DPP10: variants seen among roughly 807,000 people sequenced by gnomAD.
The protein encoded by DPP10 is inactive dipeptidyl peptidase 10.
Under a neutral mutation model 120.9 loss-of-function variants are expected in DPP10, and 33 were observed. The ratio of observed to expected loss-of-function variants is 0.27; its 90% CI spans 0.21 to 0.37. The LOEUF is 0.37. Ranked by LOEUF, DPP10 falls within the 10% of genes least tolerant of loss-of-function variation. The pLI is 1.00. For missense variants in DPP10, 816 were observed against 942.8 expected (o/e 0.87, Z 1.76); for synonymous variants, 337 against 326.1 (o/e 1.03, Z -0.36).
chr2:115,600,416 A>G (rs959832309), intron 5 of DPP10, among the ~76,000 whole-genome samples: 5 of 152,228 alleles, frequency 3.3e-5, no homozygotes, highest in African/African-American at 1.2e-4. Flanking sequence ...TCTAAAATCC[A>G]GTAAAACATA....
At chr2:115,752,274 AG>A (rs1678837624) in intron 10 of DPP10, among the ~76,000 whole-genome samples, 1 of 152,176 alleles carries the variant, frequency 6.6e-6, no homozygotes, top group South Asian at 2.1e-4. Context: ...TTTTTAGAGA[AG>A]TTTTTTTAAG....
chr2:115,138,698 G>A (rs1422865853), intron 1 of DPP10, among the ~76,000 whole-genome samples: 1 of 152,098 alleles, frequency 6.6e-6, no homozygotes, highest in Non-Finnish European at 1.5e-5. Context: ...TTCAGTAAAT[G>A]TACCAAGGTA....
intron 1 of DPP10, among the ~76,000 whole-genome samples, chr2:115,048,698 C>T (rs1286745978): frequency 6.6e-6 from 1 of 152,056 alleles, no homozygotes; most frequent in African/African-American, 2.4e-5. Flanking sequence ...TTTTACATAA[C>T]AGTGCACTTT....
intron 3 of DPP10, among the ~76,000 whole-genome samples, chr2:115,372,889 T>C (rs550632266): frequency 6.6e-6 from 1 of 152,220 alleles, no homozygotes; most frequent in East Asian, 1.9e-4. Context: ...CTTGCTTTTG[T>C]CACTGAAAAT....
chr2:114,866,272 A>G (rs552602934), intron 1 of DPP10, among the ~76,000 whole-genome samples: 31 of 152,162 alleles, frequency 2.0e-4, no homozygotes, highest in African/African-American at 6.7e-4. Context: ...ATAAGAAAAG[A>G]AAAGAAAAGA....
At chr2:115,713,464 T>G (rs1476685383) in intron 7 of DPP10, among the ~76,000 whole-genome samples, 1 of 152,144 alleles carries the variant, frequency 6.6e-6, no homozygotes, top group Non-Finnish European at 1.5e-5. Flanking sequence ...GCTTACAATC[T>G]GGGGATGACT....
intron 1 of DPP10, among the ~76,000 whole-genome samples, chr2:114,896,089 C>T (rs898136134): frequency 2.6e-5 from 4 of 152,106 alleles, no homozygotes; most frequent in Non-Finnish European, 4.4e-5. Flanking sequence ...TTCCATTGAT[C>T]TATATCTCTG....
At chr2:114,597,302 G>T (rs1303774803) in intron 1 of DPP10, among the ~76,000 whole-genome samples, 1 of 151,946 alleles carries the variant, frequency 6.6e-6, no homozygotes, top group Non-Finnish European at 1.5e-5. Context: ...AAAGTGACTG[G>T]GGACAGACAA....
At chr2:115,357,864 T>G (rs922512166) in intron 3 of DPP10, among the ~76,000 whole-genome samples, 2 of 152,188 alleles carry the variant, frequency 1.3e-5, no homozygotes, top group Non-Finnish European at 2.9e-5. Flanking sequence ...TGTGGAAGCT[T>G]CCAAGGCTAG....
chr2:115,223,793 A>G (rs1251091014), intron 1 of DPP10, among the ~76,000 whole-genome samples: 3 of 152,232 alleles, frequency 2.0e-5, no homozygotes, highest in Non-Finnish European at 2.9e-5. Context: ...GATTAATAGC[A>G]TGCACAAAGA....
intron 1 of DPP10, among the ~76,000 whole-genome samples, chr2:114,793,511 C>T (rs1344124524): frequency 1.3e-5 from 2 of 152,012 alleles, no homozygotes; most frequent in Admixed American, 1.3e-4. Context: ...AAAATGTTCA[C>T]CTAAAAAACA....
chr2:114,964,065 C>T (rs1698837049), intron 1 of DPP10, among the ~76,000 whole-genome samples: 1 of 152,116 alleles, frequency 6.6e-6, no homozygotes, highest in Non-Finnish European at 1.5e-5. Flanking sequence ...CTAAGTTACT[C>T]GATTTCCATT....
At chr2:114,868,571 G>A (rs1690426006) in intron 1 of DPP10, among the ~76,000 whole-genome samples, 1 of 152,046 alleles carries the variant, frequency 6.6e-6, no homozygotes, top group South Asian at 2.1e-4. Context: ...ACATATACAA[G>A]GACACACACT....
At chr2:115,359,812 A>AT (rs1168359716) in intron 3 of DPP10, among the ~76,000 whole-genome samples, 3 of 151,898 alleles carry the variant, frequency 2.0e-5, no homozygotes, top group Non-Finnish European at 2.9e-5. Context: ...TTTCTTTAAA[A>AT]TTTTTTTTAA....
intron 1 of DPP10, among the ~76,000 whole-genome samples, chr2:115,113,637 G>A (rs1258214179): frequency 2.0e-5 from 3 of 152,068 alleles, no homozygotes; most frequent in Non-Finnish European, 4.4e-5. Flanking sequence ...TAGGTTTCCA[G>A]TATTCGCCAT....
At chr2:115,025,910 T>G (rs1485868002) in intron 1 of DPP10, among the ~76,000 whole-genome samples, 1 of 152,146 alleles carries the variant, frequency 6.6e-6, no homozygotes, top group East Asian at 1.9e-4. Context: ...CCTTGTGTGT[T>G]CTGGTTATTC....
At chr2:114,716,739 G>A (rs1327726517) in intron 1 of DPP10, among the ~76,000 whole-genome samples, 1 of 152,130 alleles carries the variant, frequency 6.6e-6, no homozygotes, top group Non-Finnish European at 1.5e-5. Context: ...AGAAGTGTAA[G>A]GTTGATCTTC....
intron 3 of DPP10, among the ~76,000 whole-genome samples, chr2:115,462,638 A>G (rs970088261): frequency 6.6e-6 from 1 of 152,196 alleles, no homozygotes; most frequent in Non-Finnish European, 1.5e-5. Context: ...GTTGTCTCAC[A>G]CATATATAAA....
chr2:115,084,544 CCTGGG>C (rs1708538340), intron 1 of DPP10, among the ~76,000 whole-genome samples: 1 of 152,188 alleles, frequency 6.6e-6, no homozygotes, highest in Non-Finnish European at 1.5e-5. Context: ...GCTTGAATTT[CCTGGG>C]CAAGTGTGCA....
Sources: gnomAD v4.1 joint callset for allele counts (sites outside exome capture counted in the v4.1 genomes callset) on GRCh38, gnomAD v4.1.1 for gene constraint, MANE v1.5 for transcripts, NCBI Gene and HGNC (gene_info 2026-07-23, HGNC 2026-07-21) for gene names.